The following SOX5 variants were observed in gnomAD, a reference collection of about 807,000 sequenced individuals.
SOX5 encodes SRY-box transcription factor 5.
A neutral mutation model predicts 92.0 loss-of-function variants in SOX5; 9 were observed. That is an observed-to-expected ratio of 0.10 (90% confidence interval 0.06 to 0.17). The LOEUF (loss-of-function observed/expected upper bound fraction) is 0.17. SOX5 is among the 10% of genes least tolerant of loss of function. SOX5 has a pLI of 1.00. For missense variants in SOX5, 642 were observed against 944.5 expected (o/e 0.68, Z 4.20); for synonymous variants, 344 against 336.3 (o/e 1.02, Z -0.25).
intron 1 of SOX5, among the ~76,000 whole-genome samples, chr12:24,553,802 C>T (rs949610811): frequency 6.6e-6 from 1 of 152,018 alleles, no homozygotes; most frequent in Non-Finnish European, 1.5e-5. Flanking sequence ...TCTGGGTGGC[C>T]CCAGGAAGTC....
chr12:24,198,492 G>T (rs1339368586), intron 4 of SOX5, among the ~76,000 whole-genome samples: 1 of 152,148 alleles, frequency 6.6e-6, no homozygotes, highest in Non-Finnish European at 1.5e-5. Flanking sequence ...TAAATTCCAT[G>T]TGAACTCACT....
At chr12:23,998,471 T>C (rs1045384497) in intron 4 of SOX5, among the ~76,000 whole-genome samples, 5 of 151,748 alleles carry the variant, frequency 3.3e-5, no homozygotes, top group Non-Finnish European at 2.9e-5. Context: ...TATACCAACA[T>C]ATGAATAATG....
chr12:23,854,552 T>G (rs976721699), intron 2 of SOX5, among the ~76,000 whole-genome samples: 9 of 152,100 alleles, frequency 5.9e-5, no homozygotes, highest in African/African-American at 2.2e-4. Flanking sequence ...ATGTATATGA[T>G]TTATCTCCAA....
chr12:23,765,846 T>C (rs1424168298), intron 3 of SOX5, among the ~76,000 whole-genome samples: 1 of 152,114 alleles, frequency 6.6e-6, no homozygotes, highest in Non-Finnish European at 1.5e-5. Flanking sequence ...TGTGTATTCA[T>C]TCATTTATCT....
At chr12:24,438,541 C>T (rs1201378289) in intron 1 of SOX5, among the ~76,000 whole-genome samples, 3 of 152,070 alleles carry the variant, frequency 2.0e-5, no homozygotes, top group Non-Finnish European at 2.9e-5. Context: ...AAAAGATTCA[C>T]CATTCTAGAT....
chr12:23,837,273 ATGTATTTATATT>A (rs1276393729), intron 3 of SOX5, among the ~76,000 whole-genome samples: 27 of 64,262 alleles, frequency 4.2e-4, no homozygotes, highest in South Asian at 1.2e-3. Context: ...AATATATAAT[ATGTATTTATATT>A]TATATTTATA....
chr12:23,893,563 T>G, intron 2 of SOX5, among the ~76,000 whole-genome samples: 1 of 152,212 alleles, frequency 6.6e-6, no homozygotes, highest in South Asian at 2.1e-4. Context: ...CATCCTTCAG[T>G]ATACTTAAAA....
chr12:24,262,018 G>T (rs1261526324), intron 3 of SOX5, among the ~76,000 whole-genome samples: 1 of 152,108 alleles, frequency 6.6e-6, no homozygotes, highest in Non-Finnish European at 1.5e-5. Context: ...TTCAAATTTG[G>T]CACCATTTTA....
chr12:23,983,948 C>A (rs2136192418), intron 4 of SOX5, among the ~76,000 whole-genome samples: 1 of 152,192 alleles, frequency 6.6e-6, no homozygotes, highest in South Asian at 2.1e-4. Context: ...CTTGGGAAAT[C>A]CAAATCCACC....
chr12:24,297,731 G>T (rs996731855), intron 2 of SOX5, among the ~76,000 whole-genome samples: 3 of 152,218 alleles, frequency 2.0e-5, no homozygotes, highest in African/African-American at 7.2e-5. Flanking sequence ...GGAACTGTGA[G>T]TGACTGCTCA....
At chr12:23,731,114 A>G (rs2093375409) in intron 6 of SOX5, among the ~76,000 whole-genome samples, 2 of 152,222 alleles carry the variant, frequency 1.3e-5, no homozygotes, top group African/African-American at 4.8e-5. Flanking sequence ...TTCTGTCCTT[A>G]GACATCAACT....
intron 1 of SOX5, among the ~76,000 whole-genome samples, chr12:23,911,802 A>G (rs2097354947): frequency 6.6e-6 from 1 of 152,118 alleles, no homozygotes; most frequent in Non-Finnish European, 1.5e-5. Flanking sequence ...ACAACACACT[A>G]TTGGACCGTA....
intron 1 of SOX5, among the ~76,000 whole-genome samples, chr12:24,425,524 T>G (rs1217108281): frequency 1.3e-5 from 2 of 152,190 alleles, no homozygotes; most frequent in African/African-American, 4.8e-5. Context: ...ATAACATTAC[T>G]TGTTTACATG....
At chr12:23,925,429 TACA>T (rs1338190838) in intron 1 of SOX5, among the ~76,000 whole-genome samples, 5 of 152,088 alleles carry the variant, frequency 3.3e-5, no homozygotes, top group Non-Finnish European at 7.4e-5. Flanking sequence ...TCCTGTCTTA[TACA>T]ACAAGAAAAA....
chr12:24,026,220 C>T (rs1023463447), intron 4 of SOX5, among the ~76,000 whole-genome samples: 1 of 151,980 alleles, frequency 6.6e-6, no homozygotes, highest in Non-Finnish European at 1.5e-5. Context: ...GTGAAGGTTC[C>T]AGTGATCTTT....
At chr12:23,621,055 GATT>G (rs2077115112) in intron 8 of SOX5, among the ~76,000 whole-genome samples, 1 of 151,998 alleles carries the variant, frequency 6.6e-6, no homozygotes, top group Admixed American at 6.6e-5. Context: ...TATTAGTTAT[GATT>G]ATTATAATTG....
At chr12:23,665,628 C>A (rs2083672320) in intron 6 of SOX5, 64 bp from the exon 7 acceptor site, 10 of 1,512,980 alleles carry the variant, frequency 6.6e-6, no homozygotes, top group African/African-American at 1.4e-5. Context: ...TCTTCCCACC[C>A]TCCTTATTTC....
intron 3 of SOX5, among the ~76,000 whole-genome samples, chr12:23,763,609 G>A (rs1271314022): frequency 2.0e-5 from 3 of 151,900 alleles, no homozygotes; most frequent in Non-Finnish European, 4.4e-5. Context: ...TGTATAAAAC[G>A]CCCGTAAACA....
chr12:23,681,780 C>T (rs2086664656), intron 6 of SOX5, among the ~76,000 whole-genome samples: 3 of 151,508 alleles, frequency 2.0e-5, no homozygotes, highest in Admixed American at 6.6e-5. Flanking sequence ...ATATGCATAA[C>T]AAAGGCAAAA....
Sources: gnomAD v4.1 joint callset for allele counts (sites outside exome capture counted in the v4.1 genomes callset) on GRCh38, gnomAD v4.1.1 for gene constraint, MANE v1.5 for transcripts, NCBI Gene and HGNC (gene_info 2026-07-23, HGNC 2026-07-21) for gene names.